The following RBPJ variants were observed in gnomAD, a reference collection of about 807,000 sequenced individuals.
RBPJ encodes the protein recombining binding protein suppressor of hairless.
In RBPJ, 9 loss-of-function variants were observed where a neutral mutation model predicts 67.8. The ratio of observed to expected loss-of-function variants is 0.13; its 90% CI spans 0.08 to 0.23. The LOEUF is 0.23. RBPJ is among the 10% of genes least tolerant of loss of function. The pLI, the probability that RBPJ is intolerant of heterozygous loss-of-function variation, is 1.00. For synonymous variants in RBPJ, 198 were observed against 203.3 expected, an observed-to-expected ratio of 0.97 and a Z score of 0.22; for missense variants, 305 against 595.6, an observed-to-expected ratio of 0.51 and a Z score of 5.08.
chr4:26,177,307 G>A (rs1312224887), intron 1 of RBPJ, among the ~76,000 whole-genome samples: 1 of 152,228 alleles, frequency 6.6e-6, no homozygotes, highest in African/African-American at 2.4e-5. Flanking sequence ...TGGGCGCAGT[G>A]GCTCATGCCT....
At chr4:26,300,767 C>G (rs1722048848) in intron 1 of RBPJ, among the ~76,000 whole-genome samples, 1 of 152,196 alleles carries the variant, frequency 6.6e-6, no homozygotes, top group African/African-American at 2.4e-5. Context: ...CAGCCCCTGG[C>G]TCATAGAGGG....
intron 1 of RBPJ, among the ~76,000 whole-genome samples, chr4:26,348,497 G>A (rs769839113): frequency 4.6e-5 from 7 of 152,018 alleles, no homozygotes; most frequent in Non-Finnish European, 8.8e-5. Context: ...TTAACTGATT[G>A]CCTCTAGACT....
chr4:26,403,999 C>A (rs1278676513), intron 2 of RBPJ, among the ~76,000 whole-genome samples: 2 of 152,160 alleles, frequency 1.3e-5, no homozygotes, highest in Admixed American at 1.3e-4. Flanking sequence ...TACGCTACCA[C>A]CAACAGTGTA....
chr4:26,280,544 G>A (rs1176379537), intron 1 of RBPJ, among the ~76,000 whole-genome samples: 2 of 151,934 alleles, frequency 1.3e-5, no homozygotes, highest in Non-Finnish European at 2.9e-5. Context: ...TAGGAGCTTT[G>A]CAAACATTTT....
upstream of RBPJ, among the ~76,000 whole-genome samples, chr4:26,318,624 C>CGAGA (rs1415111708): frequency 6.6e-6 from 1 of 152,070 alleles, no homozygotes; most frequent in African/African-American, 2.4e-5. Flanking sequence ...GGCAACAAGG[C>CGAGA]GAGAGCGCAG....
intron 1 of RBPJ, among the ~76,000 whole-genome samples, chr4:26,208,958 C>A (rs1718265146): frequency 6.6e-6 from 1 of 152,054 alleles, no homozygotes; most frequent in African/African-American, 2.4e-5. Flanking sequence ...CAGTTGAATT[C>A]TCAGTAGCTT....
Position 26,424,679 on chromosome 4 carries a change from A to G in RBPJ, c.683A>G (p.Tyr228Cys). The change falls in exon 7 of 11, where the codon TAC becomes TGC. Residue 228 changes from tyrosine (Y) to cysteine (C), a missense_variant. Tyr to Cys is a radical substitution (Grantham distance 194). Transcript: ENST00000355476. This position sits in a 1 kb window ranked among gnomAD's most constrained non-coding sequence, Gnocchi z 5.3. ...GAAGAATTCACAGTCCGAGATGGCT[A>G]CATCCATTATGGACAAACAGTCAAA... ...EGEEFTVRDG[Y>C]IHYGQTVKLV... 1 of 1,613,982 alleles carries G rather than the reference A, an allele frequency of 6.2e-7. No homozygotes were observed. The highest frequency in any genetic ancestry group is 8.5e-7 in the Non-Finnish European group (1 of 1,179,834).
At chr4:26,377,316 A>G (rs1002228299) in intron 1 of RBPJ, among the ~76,000 whole-genome samples, 1 of 152,238 alleles carries the variant, frequency 6.6e-6, no homozygotes, top group African/African-American at 2.4e-5. Context: ...CCAGGATTTC[A>G]ATTTAAGCAA....
intron 1 of RBPJ, among the ~76,000 whole-genome samples, chr4:26,364,484 T>A (rs1444827840): frequency 6.6e-6 from 1 of 152,224 alleles, no homozygotes; most frequent in Non-Finnish European, 1.5e-5. Flanking sequence ...ACTTGCTATC[T>A]CAACTTTAAC....
At chr4:26,195,704 C>T (rs1475029312) in intron 1 of RBPJ, among the ~76,000 whole-genome samples, 1 of 152,082 alleles carries the variant, frequency 6.6e-6, no homozygotes, top group Non-Finnish European at 1.5e-5. Context: ...AAGTGATTCT[C>T]CTGCCTTAGC....
intron 2 of RBPJ, among the ~76,000 whole-genome samples, chr4:26,392,657 G>A (rs1024144110): frequency 2.6e-5 from 4 of 152,190 alleles, no homozygotes; most frequent in African/African-American, 9.6e-5. Context: ...GTTTCCTGGG[G>A]ATAGGGGGAG....
chr4:26,418,261 T>C (rs1023352143), intron 4 of RBPJ, among the ~76,000 whole-genome samples: 1 of 152,206 alleles, frequency 6.6e-6, no homozygotes, highest in South Asian at 2.1e-4. Context: ...CTTCTAGAAT[T>C]CCGTTAGCTA....
intron 1 of RBPJ, among the ~76,000 whole-genome samples, chr4:26,352,144 T>A (rs1726874229): frequency 6.6e-6 from 1 of 152,226 alleles, no homozygotes; most frequent in African/African-American, 2.4e-5. Flanking sequence ...TACCTTACTG[T>A]CTTTGTCTTT....
upstream of RBPJ, among the ~76,000 whole-genome samples, chr4:26,316,872 G>A (rs534110066): frequency 8.4e-6 from 1 of 119,686 alleles, no homozygotes; most frequent in Non-Finnish European, 1.6e-5. Flanking sequence ...ACCAACACAG[G>A]TGGTTGCTCC....
At chr4:26,337,824 C>T (rs1327476852) in intron 1 of RBPJ, among the ~76,000 whole-genome samples, 1 of 151,574 alleles carries the variant, frequency 6.6e-6, no homozygotes. Context: ...GTAGCTGAGA[C>T]CACAAGCATG....
the RBPJ span, among the ~76,000 whole-genome samples, chr4:26,147,482 A>T: frequency 6.6e-6 from 1 of 152,208 alleles, no homozygotes; most frequent in Non-Finnish European, 1.5e-5. Context: ...AACTTCTCCC[A>T]GGTATACCAA....
chr4:26,319,650 T>A (rs182068335), upstream of RBPJ: 6 of 630,838 alleles, frequency 9.5e-6, no homozygotes, highest in African/African-American at 1.1e-4. Flanking sequence ...CCGTGTTGTG[T>A]CTGAGCCGAG....
chr4:26,269,389 G>A (rs1466541007), intron 1 of RBPJ, among the ~76,000 whole-genome samples: 1 of 151,896 alleles, frequency 6.6e-6, no homozygotes, highest in African/African-American at 2.4e-5. Flanking sequence ...CCGAGTAGCT[G>A]ATATTACAGG....
the RBPJ span, among the ~76,000 whole-genome samples, chr4:26,117,809 A>G: frequency 9.9e-5 from 15 of 152,222 alleles, no homozygotes; most frequent in African/African-American, 3.6e-4. Context: ...GCCTAACACT[A>G]TTAGCACTTA....
Sources: gnomAD v4.1 joint callset for allele counts (sites outside exome capture counted in the v4.1 genomes callset) on GRCh38, gnomAD v4.1.1 for gene constraint, Gnocchi (gnomAD v3.1) non-coding constraint, MANE v1.5 for transcripts, NCBI Gene and HGNC (gene_info 2026-07-23, HGNC 2026-07-21) for gene names.